CFB: variants seen among roughly 807,000 people sequenced by gnomAD.
CFB encodes complement factor B, also known as B-factor, properdin.
Under a neutral mutation model 97.2 loss-of-function variants are expected in CFB, and 59 were observed. That is an observed-to-expected ratio of 0.61 (90% CI 0.49 to 0.75). The LOEUF is 0.75. CFB is among the 30% of genes least tolerant of loss of function. CFB has a pLI of 0.00. For missense variants in CFB, 771 were observed against 959.8 expected, an observed-to-expected ratio of 0.80 and a Z score of 2.60; for synonymous variants, 316 against 351.7, an observed-to-expected ratio of 0.90 and a Z score of 1.14.
At chr6:31,948,275 TCTTA>T (rs1249807329) in intron 6 of CFB, 95 bp from the exon 7 acceptor site, 35 of 1,566,538 alleles carry the variant, frequency 2.2e-5, no homozygotes, top group Middle Eastern at 1.7e-4. Flanking sequence ...CCCTTGAGCC[TCTTA>T]CTGAGAGCCT....
rs1314617419 is a variant in CFB at position 31,947,444 on chromosome 6, G to A, written c.581G>A (p.Gly194Glu). ...EDSVTYHCSR[G>E]LTLRGSQRRT... ...AGCGTCACCTACCACTGCAGCCGGG[G>A]GCTTACCCTGCGTGGCTCCCAGCGG... Residue 194 changes from glycine to glutamate, a missense_variant, in exon 4 of 18, where the codon GGG becomes GAG. Physicochemically the swap from Gly to Glu is moderately conservative, Grantham distance 98. Coordinates refer to ENST00000425368, the MANE Select transcript of CFB (RefSeq NM_001710.6). This position sits in a 1 kb window ranked among gnomAD's most constrained non-coding sequence, Gnocchi z 5.3. 1.2e-6 allele frequency: 2 copies of A among 1,612,878 alleles called. No individual in the cohort carries two copies. The highest frequency in any genetic ancestry group is 1.7e-5 in the Admixed American group (1 of 60,004).
In CFB at chr6:31,949,480, C is replaced by G. The variant is rs758532420; in HGVS notation, c.1331C>G (p.Ser444Cys). Residue 444 changes from serine to cysteine, a missense_variant, in exon 10 of 18, where the codon TCC becomes TGC. Transcript: ENST00000425368. The stretch of plus-strand genomic sequence containing the variant: ...CAAGTGAACATCAATGCTTTGGCTT[C>G]CAAGAAAGACAATGAGCAACATGTG... ...VNQVNINALASKKDNEQHVFK... is the reference protein window; with the variant it reads ...VNQVNINALACKKDNEQHVFK... 3.7e-6 allele frequency: 6 copies of G among 1,614,014 alleles called. No individual in the cohort carries two copies. The highest frequency in any genetic ancestry group is 4.2e-6 in the Non-Finnish European group (5 of 1,180,036).
In CFB at chr6:31,947,445, G is replaced by T; in HGVS notation, c.582G>T (p.Gly194=). 6.2e-7 allele frequency: 1 copy of T among 1,613,030 alleles called. No individual in the cohort carries two copies. The highest frequency in any genetic ancestry group is 8.5e-7 in the Non-Finnish European group (1 of 1,180,022). Residue 194 remains glycine (G), a synonymous_variant, in exon 4 of 18, where the codon GGG becomes GGT. Coordinates refer to ENST00000425368, the MANE Select transcript of CFB (RefSeq NM_001710.6). This position sits in a 1 kb window ranked among gnomAD's most constrained non-coding sequence, Gnocchi z 5.3. The part of the protein sequence containing the change: ...EDSVTYHCSR[G]LTLRGSQRRT... ...GCGTCACCTACCACTGCAGCCGGGG[G>T]CTTACCCTGCGTGGCTCCCAGCGGC... is the stretch of plus-strand genomic sequence containing the variant.
rs1771793387 is a variant in CFB, at chr6:31,951,882, T to C, written c.2147T>C (p.Val716Ala). 2 of 1,613,062 alleles carry C rather than the reference T, an allele frequency of 1.2e-6. No individual in the cohort carries two copies. The highest frequency in any genetic ancestry group is 1.7e-6 in the Non-Finnish European group (2 of 1,180,048). Residue 716 changes from valine to alanine, a missense_variant, in exon 18 of 18, where the codon GTA becomes GCA. Transcript: ENST00000425368. This position sits in a 1 kb window ranked among gnomAD's most constrained non-coding sequence, Gnocchi z 4.3. ...ACCCCACTGCCTCTGCAGGTTGGTG[T>C]AATCAGCTGGGGAGTAGTGGATGTC... is the stretch of plus-strand genomic sequence containing the variant. ...HKRSRFIQVG[V>A]ISWGVVDVCK...
At position 31,948,360 on chromosome 6, in the gene CFB, C is replaced by G. The variant is rs751398187; in HGVS notation, c.898-14C>G. On this transcript the variant is annotated splice_polypyrimidine_tract_variant and intron_variant, in intron 6 of 17. Transcript: ENST00000425368. ...ATTTTCAATGCCATGGCGCCTTGTT[C>G]TCCTCACCCACAGGTGGCAAGTTAT... 6.2e-7 allele frequency: 1 copy of G among 1,614,072 alleles called. No homozygotes were observed. Among genetic ancestry groups the G allele is most frequent in the African/African-American group, 1.3e-5 (1 of 74,932 alleles).
chr6:31,946,690 C>G lies in CFB; in HGVS notation c.298+84C>G, dbSNP rs537708066. 1.8e-5 allele frequency: 23 copies of G among 1,313,476 alleles called. No homozygotes were observed. Among genetic ancestry groups the G allele is most frequent in the Admixed American group, 1.3e-4 (7 of 52,352 alleles). The allele number at this position is 1,313,476 out of a possible 1,614,324, so 81.4% of individuals were successfully genotyped here. A position where few individuals can be genotyped will look rare whatever the true frequency, so the allele number is the denominator to read the frequency against. ...AGGTCAGGACTAGGATGAGACTAGG[C>G]AGGGTGACAAGGTGGGCTGACCGGG... On this transcript the variant is annotated intron_variant, in intron 2 of 17. Transcript: ENST00000425368. This position sits in a 1 kb window ranked among gnomAD's most constrained non-coding sequence, Gnocchi z 6.4.
rs984244656 is a variant in CFB at position 31,946,634 on chromosome 6, G to A, written c.298+28G>A. The A allele has an allele frequency of 6.3e-7, 1 of 1,588,558 alleles. No homozygotes were observed. Among genetic ancestry groups the A allele is most frequent in the Non-Finnish European group, 8.6e-7 (1 of 1,168,570 alleles). ...TTGAGGGCAATGAGTGTGGGCAGTG[G>A]CCTAAGGCAGAAACAGGGCAGGCGG... is the stretch of plus-strand genomic sequence containing the variant. On this transcript the variant is annotated intron_variant, in intron 2 of 17. Transcript: ENST00000425368. This position sits in a 1 kb window ranked among gnomAD's most constrained non-coding sequence, Gnocchi z 6.4.
At chr6:31,949,701 T>G in intron 10 of CFB, 144 bp downstream of exon 10, 1 of 1,022,954 alleles carries the variant, frequency 9.8e-7, no homozygotes, top group Non-Finnish European at 1.5e-6. Flanking sequence ...TATTCTTGTT[T>G]CCTGGCACTG....
rs1771476613 is a variant in CFB at position 31,947,133 on chromosome 6, A to T, written c.425A>T (p.Asn142Ile). ...YDGYTLRGSA[N>I]RTCQVNGRWS... Reference sequence around the variant, plus strand: ...GGTTACACTCTCCGGGGCTCTGCCAATCGCACCTGCCAAGTGAATGGCCGA... The same window carrying T: ...GGTTACACTCTCCGGGGCTCTGCCATTCGCACCTGCCAAGTGAATGGCCGA... The change falls in exon 3 of 18, where the codon AAT (asparagine) becomes ATT (isoleucine). Residue 142 changes from asparagine (N) to isoleucine (I), a missense_variant. Asn to Ile is a moderately radical substitution (Grantham distance 149). Coordinates refer to ENST00000425368, the MANE Select transcript of CFB (RefSeq NM_001710.6). The surrounding 1 kb of genome is among the most constrained non-coding windows in gnomAD (Gnocchi z 5.3). The T allele has an allele frequency of 6.2e-7, 1 of 1,612,854 alleles. No individual in the cohort carries two copies. The highest frequency in any genetic ancestry group is 1.3e-5 in the African/African-American group (1 of 74,896).
rs773848995 is a variant in CFB at position 31,951,193 on chromosome 6, G to A, written c.1905G>A (p.Glu635=). 3.1e-6 allele frequency: 5 copies of A among 1,613,034 alleles called. No homozygotes were observed. In the Admixed American group the frequency reaches 8.3e-5, roughly 27 times the overall value. ...ATATCAAAGCTCTGTTTGTGTCTGA[G>A]GAGGAGAAAAAGCTGACTCGGAAGG... ...AQDIKALFVS[E]EEKKLTRKEV... Residue 635 remains glutamate, a synonymous_variant, in exon 15 of 18, where the codon GAG becomes GAA. Transcript: ENST00000425368. The surrounding 1 kb of genome is among the most constrained non-coding windows in gnomAD (Gnocchi z 4.3).
At position 31,951,947 on chromosome 6, in the gene CFB, G is replaced by A. The variant is rs754336626; in HGVS notation, c.2212G>A (p.Ala738Thr). 4.3e-6 allele frequency: 7 copies of A among 1,612,976 alleles called. No homozygotes were observed. The East Asian group carries it at 6.7e-5, about 15-fold the overall frequency. The change falls in exon 18 of 18, where the codon GCC becomes ACC. Residue 738 changes from alanine to threonine, a missense_variant. Transcript: ENST00000425368. The surrounding 1 kb of genome is among the most constrained non-coding windows in gnomAD (Gnocchi z 4.3). ...GCGGCAAAAGCAGGTACCTGCTCAC[G>A]CCCGAGACTTTCACATCAACCTCTT... The part of the protein sequence containing the change: ...QKRQKQVPAH[A>T]RDFHINLFQV...
Position 31,947,471 on chromosome 6 carries a change from G to C in CFB, c.608G>C (p.Arg203Pro). Residue 203 changes from arginine to proline, a missense_variant, in exon 4 of 18, where the codon CGA becomes CCA. Arg to Pro is a moderately radical substitution (Grantham distance 103). Transcript: ENST00000425368. The surrounding 1 kb of genome is among the most constrained non-coding windows in gnomAD (Gnocchi z 5.3). ...CTTACCCTGCGTGGCTCCCAGCGGC[G>C]AACGTGTCAGGAAGGTGGCTCTTGG... is the stretch of plus-strand genomic sequence containing the variant. Reference protein sequence around the residue: ...RGLTLRGSQRRTCQEGGSWSG... With the variant: ...RGLTLRGSQRPTCQEGGSWSG... The C allele has an allele frequency of 6.2e-7, 1 of 1,612,984 alleles. No homozygotes were observed. Among genetic ancestry groups the C allele is most frequent in the Non-Finnish European group, 8.5e-7 (1 of 1,180,010 alleles).
chr6:31,951,140 C>T lies in CFB; in HGVS notation c.1856-4C>T. On this transcript the variant is annotated splice_polypyrimidine_tract_variant and splice_region_variant and intron_variant, in intron 14 of 17. Coordinates refer to ENST00000425368, the MANE Select transcript of CFB (RefSeq NM_001710.6). The surrounding 1 kb of genome is among the most constrained non-coding windows in gnomAD (Gnocchi z 4.3). ...AGCTGAAGTGACGCAGTCTATTCGT[C>T]CAGAGGAAGAGCTGCTCCCTGCACA... 1 of 1,612,616 alleles carries T rather than the reference C, an allele frequency of 6.2e-7. No individual in the cohort carries two copies. Among genetic ancestry groups the T allele is most frequent in the South Asian group, 1.1e-5 (1 of 91,052 alleles).
chr6:31,951,583 C>T lies in CFB; in HGVS notation c.2118C>T (p.His706=), dbSNP rs1398553845. The T allele has an allele frequency of 2.5e-6, 4 of 1,614,098 alleles. No homozygotes were observed. The highest frequency in any genetic ancestry group is 1.7e-5 in the Admixed American group (1 of 60,010). Residue 706 remains histidine (H), a synonymous_variant, in exon 17 of 18, where the codon CAC becomes CAT. Coordinates refer to ENST00000425368, the MANE Select transcript of CFB (RefSeq NM_001710.6). The surrounding 1 kb of genome is among the most constrained non-coding windows in gnomAD (Gnocchi z 4.3). ...ATTCTGGCGGCCCCTTGATAGTTCA[C>T]AAGAGAAGTCGTTTCATTCAAGTGA... ...RGDSGGPLIV[H]KRSRFIQVGV... is the part of the protein sequence containing the mutation.
Position 31,951,745 on chromosome 6 carries a change from G to A in CFB, c.2140-130G>A, listed in dbSNP as rs893324005. On this transcript the variant is annotated intron_variant, in intron 17 of 17. Coordinates refer to ENST00000425368, the MANE Select transcript of CFB (RefSeq NM_001710.6). This position sits in a 1 kb window ranked among gnomAD's most constrained non-coding sequence, Gnocchi z 4.3. ...AGGACCGCATGTCTTGCCTGCGTGT[G>A]TCAAGAACGAGGCTGAGCTGGGTCC... 6.4e-7 allele frequency: 1 copy of A among 1,572,962 alleles called. No homozygotes were observed. The highest frequency in any genetic ancestry group is 8.7e-7 in the Non-Finnish European group (1 of 1,143,672).
At chr6:31,948,291 C>G in intron 6 of CFB, 83 bp from the exon 7 acceptor site, 1 of 1,593,112 alleles carries the variant, frequency 6.3e-7, no homozygotes, top group Non-Finnish European at 8.6e-7. Context: ...TGAGAGCCTC[C>G]CTGTCCCAGC....
At chr6:31,950,180 G>C in intron 11 of CFB, 33 bp downstream of exon 11, 2 of 1,610,918 alleles carry the variant, frequency 1.2e-6, no homozygotes, top group Admixed American at 1.7e-5. Flanking sequence ...GGGGACTTGG[G>C]GGAGGTGAGG....
In CFB at chr6:31,946,899, G is replaced by T; in HGVS notation, c.299-108G>T. ...AGTAGGTAAGATGCTGCTTCTGCGG[G>T]ACTGGGAATGCGCTGTTTCTCAGTG... On this transcript the variant is annotated intron_variant, in intron 2 of 17. Coordinates refer to ENST00000425368, the MANE Select transcript of CFB (RefSeq NM_001710.6). The surrounding 1 kb of genome is among the most constrained non-coding windows in gnomAD (Gnocchi z 6.4). 1 of 1,156,634 alleles carries T rather than the reference G, an allele frequency of 8.6e-7. No individual in the cohort carries two copies. The highest frequency in any genetic ancestry group is 1.3e-6 in the Non-Finnish European group (1 of 774,584). The allele number at this position is 1,156,634 out of a possible 1,614,324, so 71.6% of individuals were successfully genotyped here. A position where few individuals can be genotyped will look rare whatever the true frequency, so the allele number is the denominator to read the frequency against.
Position 31,950,932 on chromosome 6 carries a change from T to C in CFB, c.1843T>C (p.Cys615Arg), listed in dbSNP as rs757120448. Reference protein sequence around the residue: ...RALRLPPTTTCQQQKEELLPA... With the variant: ...RALRLPPTTTRQQQKEELLPA... The stretch of plus-strand genomic sequence containing the variant: ...TTTGAGGCTTCCTCCAACTACCACT[T>C]GCCAGCAACAAAGTAAGACATACTT... The change falls in exon 14 of 18, where the codon TGC becomes CGC. Residue 615 changes from cysteine to arginine, a missense_variant. Physicochemically the swap from Cys to Arg is radical, Grantham distance 180. Coordinates refer to ENST00000425368, the MANE Select transcript of CFB (RefSeq NM_001710.6). The C allele has an allele frequency of 6.2e-7, 1 of 1,612,976 alleles. No homozygotes were observed. The highest frequency in any genetic ancestry group is 8.5e-7 in the Non-Finnish European group (1 of 1,180,008).
Sources: allele counts gnomAD v4.1 joint callset, GRCh38; gene constraint gnomAD v4.1.1; non-coding constraint Gnocchi (gnomAD v3.1); transcripts MANE v1.5; gene names NCBI Gene and HGNC (gene_info 2026-07-23, HGNC 2026-07-21).